SLC25A13: variants seen among roughly 807,000 people sequenced by gnomAD.
SLC25A13 encodes electrogenic aspartate/glutamate antiporter SLC25A13, mitochondrial.
In SLC25A13, 70 loss-of-function variants were observed where a neutral mutation model predicts 85.5. That is an observed-to-expected ratio of 0.82 (90% CI 0.68 to 1.00). SLC25A13 has a LOEUF of 1.00. SLC25A13 is among the 50% of genes least tolerant of loss of function. The pLI, the probability that SLC25A13 is intolerant of heterozygous loss-of-function variation, is 0.00. For missense variants in SLC25A13, 765 were observed against 819.8 expected, an observed-to-expected ratio of 0.93 and a Z score of 0.82; for synonymous variants, 259 against 288.7, an observed-to-expected ratio of 0.90 and a Z score of 1.04.
chr7:96,268,522 C>T (rs921027200), intron 3 of SLC25A13, among the ~76,000 whole-genome samples: 2 of 152,098 alleles, frequency 1.3e-5, no homozygotes, highest in African/African-American at 4.8e-5. Flanking sequence ...GGCTTCCAGC[C>T]CTAGACACTC....
chr7:96,165,977 C>T (rs145580063), intron 13 of SLC25A13, among the ~76,000 whole-genome samples: 1 of 152,316 alleles, frequency 6.6e-6, no homozygotes, highest in African/African-American at 2.4e-5. Context: ...CTGGCATAAA[C>T]ACATCATGCA....
At chr7:96,284,850 T>C (rs1456796071) in intron 2 of SLC25A13, among the ~76,000 whole-genome samples, 3 of 152,234 alleles carry the variant, frequency 2.0e-5, no homozygotes, top group Admixed American at 1.3e-4. Context: ...TTAAACCTCT[T>C]TGCCTGATAA....
At chr7:96,313,851 A>T (rs1387761123) in intron 1 of SLC25A13, among the ~76,000 whole-genome samples, 1 of 152,186 alleles carries the variant, frequency 6.6e-6, no homozygotes, top group Non-Finnish European at 1.5e-5. Flanking sequence ...AGATTTCTAG[A>T]TTTTTGCTAA....
intron 1 of SLC25A13, among the ~76,000 whole-genome samples, chr7:96,302,057 G>A (rs915845244): frequency 6.6e-6 from 1 of 152,172 alleles, no homozygotes; most frequent in Non-Finnish European, 1.5e-5. Flanking sequence ...CTCCACAGGA[G>A]CAAAATTTGA....
intron 14 of SLC25A13, among the ~76,000 whole-genome samples, chr7:96,138,549 C>T (rs796734789): frequency 2.6e-4 from 39 of 152,044 alleles, no homozygotes; most frequent in African/African-American, 9.2e-4. Context: ...GTGCATGACA[C>T]CATGTCTAGC....
chr7:96,170,163 TAAAG>T (rs1360454254), intron 12 of SLC25A13, 38 bp from the exon 13 acceptor site: 10 of 1,569,866 alleles, frequency 6.4e-6, no homozygotes, highest in African/African-American at 1.4e-5. Context: ...ATGAAAAATA[TAAAG>T]AAAGTCATTA....
chr7:96,146,644 C>T lies in SLC25A13; in HGVS notation c.1364G>A (p.Arg455His), dbSNP rs764693182. The change falls in exon 14 of 18, where the codon CGT becomes CAT. Residue 455 changes from arginine (R) to histidine (H), a missense_variant. By Grantham distance (29) the Arg-to-His change is conservative (BLOSUM62 0). Transcript: ENST00000265631. ...GGTGATTTCTCCTGCCACTTGCAAA[C>T]GGATCTTGACGATTTCTAAAGGATT... The part of the protein sequence containing the change: ...FTNPLEIVKI[R>H]LQVAGEITTG... 50 of 1,613,840 alleles carry T rather than the reference C, an allele frequency of 3.1e-5. No homozygotes were observed. The highest frequency in any genetic ancestry group is 2.7e-4 in the Admixed American group (16 of 59,984).
rs565038218 is a variant in SLC25A13 at position 96,219,881 on chromosome 7, G to A, written c.329-10904C>T. The A allele has an allele frequency of 3.3e-5, 13 of 394,728 alleles. 1 individual carries two copies. The highest frequency in any genetic ancestry group is 1.2e-4 in the African/African-American group (6 of 48,156). 24.5% of individuals were successfully genotyped at this position (394,728 alleles called of 1,614,324 possible). A position where few individuals can be genotyped will look rare whatever the true frequency, so the allele number is the denominator to read the frequency against. ...GGCTCAAGGCTGGCAGATATTTAGC[G>A]TAAGATATTAACCATCTGTCACACA... On this transcript the variant is annotated intron_variant, in intron 4 of 17. Coordinates refer to ENST00000265631, the MANE Select transcript of SLC25A13 (RefSeq NM_014251.3).
rs77154497 is a variant in SLC25A13 at position 96,285,827 on chromosome 7, T to G, written c.70-8489A>C. On this transcript the variant is annotated intron_variant, in intron 2 of 17. Coordinates refer to ENST00000265631, the MANE Select transcript of SLC25A13 (RefSeq NM_014251.3). ...TTTTATTTAAATGGCAGGCACTCAA[T>G]ACACATCTGTTTAAACTAACAGGAA... Among the ~76,000 whole-genome samples the G allele has an allele frequency of 1.8e-3, 278 of 152,300 alleles. 7 individuals carry two copies. Among genetic ancestry groups the G allele is most frequent in the East Asian group, 0.018 (94 of 5,176 alleles).
intron 13 of SLC25A13, among the ~76,000 whole-genome samples, chr7:96,155,303 T>C (rs1199621638): frequency 6.6e-6 from 1 of 152,044 alleles, no homozygotes; most frequent in Non-Finnish European, 1.5e-5. Flanking sequence ...TTTCAAAGGC[T>C]CCATTTCCAA....
chr7:96,222,225 G>T (rs1179431165), intron 4 of SLC25A13, among the ~76,000 whole-genome samples: 3 of 152,068 alleles, frequency 2.0e-5, no homozygotes, highest in African/African-American at 7.2e-5. Context: ...AAGATTAAAG[G>T]ACAAAAGGTC....
intron 9 of SLC25A13, among the ~76,000 whole-genome samples, chr7:96,186,465 A>C (rs1432602531): frequency 6.6e-6 from 1 of 152,192 alleles, no homozygotes; most frequent in East Asian, 1.9e-4. Context: ...ATAATCATGC[A>C]TGTAACAAGC....
intron 4 of SLC25A13, among the ~76,000 whole-genome samples, chr7:96,213,855 T>C (rs1314935996): frequency 2.6e-5 from 4 of 152,214 alleles, no homozygotes; most frequent in Non-Finnish European, 4.4e-5. Flanking sequence ...GTATATATTT[T>C]GGATATATAA....
intron 1 of SLC25A13, among the ~76,000 whole-genome samples, chr7:96,314,254 G>T (rs1264412575): frequency 6.6e-6 from 1 of 152,020 alleles, no homozygotes; most frequent in African/African-American, 2.4e-5. Flanking sequence ...GAAAGCAGAT[G>T]GCGAGAAAGA....
chr7:96,250,472 C>G (rs11973160), intron 3 of SLC25A13, among the ~76,000 whole-genome samples: 1 of 152,090 alleles, frequency 6.6e-6, no homozygotes. Flanking sequence ...CATAAATGAG[C>G]GAGGACATGC....
intron 15 of SLC25A13, among the ~76,000 whole-genome samples, chr7:96,129,323 A>G (rs1250675372): frequency 6.6e-6 from 1 of 152,246 alleles, no homozygotes; most frequent in Non-Finnish European, 1.5e-5. Flanking sequence ...GCATTTATAA[A>G]GACAACAGGA....
intron 15 of SLC25A13, among the ~76,000 whole-genome samples, chr7:96,130,701 A>T (rs987838067): frequency 4.6e-5 from 7 of 152,222 alleles, no homozygotes; most frequent in Non-Finnish European, 7.3e-5. Context: ...TTTTATACTC[A>T]ACTCCTGAAA....
chr7:96,139,965 T>C (rs1351462481), intron 14 of SLC25A13, among the ~76,000 whole-genome samples: 1 of 80,264 alleles, frequency 1.2e-5, no homozygotes, highest in Non-Finnish European at 2.5e-5. Context: ...TTTTTTTTTT[T>C]TTTTTTTTTT....
At chr7:96,238,798 C>A (rs7812151) in intron 3 of SLC25A13, among the ~76,000 whole-genome samples, 93,564 of 151,534 alleles carry the variant, frequency 0.62, 29,385 homozygotes, top group African/African-American at 0.74. Flanking sequence ...TTGTTGAGGC[C>A]GAAAACAATC....
Sources: allele counts gnomAD v4.1 joint callset (sites outside exome capture counted in the v4.1 genomes callset), GRCh38; gene constraint gnomAD v4.1.1; transcripts MANE v1.5; gene names NCBI Gene and HGNC (gene_info 2026-07-23, HGNC 2026-07-21).